The following PCDHGA3 variants were observed in gnomAD, a reference collection of about 807,000 sequenced individuals.
PCDHGA3 encodes protocadherin gamma subfamily A, 3.
Under a neutral mutation model 58.5 loss-of-function variants are expected in PCDHGA3, and 40 were observed. That is an observed-to-expected ratio of 0.68 (90% CI 0.53 to 0.89). PCDHGA3 has a LOEUF of 0.89. PCDHGA3 is among the 40% of genes least tolerant of loss of function. The pLI, the probability that PCDHGA3 is intolerant of heterozygous loss-of-function variation, is 0.00. For synonymous variants in PCDHGA3, 530 were observed against 525.7 expected (o/e 1.01, Z -0.11); for missense variants, 1,223 against 1,195.9 (o/e 1.02, Z -0.33).
intron 1 of PCDHGA3, chr5:141,371,607 G>T (rs2149987986): frequency 6.2e-6 from 10 of 1,614,022 alleles, no homozygotes; most frequent in Admixed American, 1.7e-5. Context: ...ATACAGGTTG[G>T]TGACAGATGG....
intron 1 of PCDHGA3, chr5:141,397,859 C>T: frequency 1.8e-6 from 1 of 559,674 alleles, no homozygotes. Context: ...CTGTAGTTTC[C>T]TAGTGCTGAC....
chr5:141,423,594 C>A, intron 1 of PCDHGA3: 1 of 1,599,308 alleles, frequency 6.3e-7, no homozygotes, highest in South Asian at 1.1e-5. Context: ...GTGAGAAAAG[C>A]GAGCCACTCT....
At chr5:141,402,456 C>T (rs1052745008) in intron 1 of PCDHGA3, among the ~76,000 whole-genome samples, 1 of 152,050 alleles carries the variant, frequency 6.6e-6, no homozygotes, top group African/African-American at 2.4e-5. Flanking sequence ...TAATAGTTTA[C>T]ATATCTAGAA....
chr5:141,405,760 G>T (rs1048838050), intron 1 of PCDHGA3, among the ~76,000 whole-genome samples: 2 of 152,148 alleles, frequency 1.3e-5, no homozygotes, highest in East Asian at 3.9e-4. Context: ...TTACAGGCGT[G>T]AGCCACTGCG....
At chr5:141,368,798 C>T (rs1477388914) in intron 1 of PCDHGA3, among the ~76,000 whole-genome samples, 3 of 152,096 alleles carry the variant, frequency 2.0e-5, no homozygotes, top group Non-Finnish European at 4.4e-5. Flanking sequence ...ATTTTTCATA[C>T]TAATTGAAGT....
In PCDHGA3 at chr5:141,476,499, TC is replaced by T; in HGVS notation, c.2425-18307del. 1 of 1,614,110 alleles carries T rather than the reference TC, an allele frequency of 6.2e-7. No individual in the cohort carries two copies. Among genetic ancestry groups the T allele is most frequent in the Non-Finnish European group, 8.5e-7 (1 of 1,180,020 alleles). ...AGCGTGGAAGTGGTGATCCAGGACATCAACGACAACAATCCTGCTTTCCCTA... is the reference window on the plus strand; with the variant it reads ...AGCGTGGAAGTGGTGATCCAGGACATAACGACAACAATCCTGCTTTCCCTA... On this transcript the variant is annotated intron_variant, in intron 1 of 3. Transcript: ENST00000253812. The surrounding 1 kb of genome is among the most constrained non-coding windows in gnomAD (Gnocchi z 7.6).
At chr5:141,359,864 AAAG>A (rs1223806180) in intron 1 of PCDHGA3, among the ~76,000 whole-genome samples, 1 of 152,206 alleles carries the variant, frequency 6.6e-6, no homozygotes, top group African/African-American at 2.4e-5. Flanking sequence ...TTAAAAAAGA[AAAG>A]AAAAGAAAAA....
At chr5:141,415,739 GGTTTTTTTT>G in intron 1 of PCDHGA3, 5 of 434,942 alleles carry the variant, frequency 1.1e-5, no homozygotes, top group African/African-American at 9.8e-5. Context: ...TGTTTATTAA[GGTTTTTTTT>G]TTTTTTTTTT....
intron 1 of PCDHGA3, chr5:141,383,409 C>A (rs199780721): frequency 4.3e-6 from 7 of 1,613,892 alleles, no homozygotes; most frequent in Non-Finnish European, 5.9e-6. Flanking sequence ...TCCAGAGTTA[C>A]CAGCTCAGCC....
At chr5:141,362,052 C>T (rs1344893342) in intron 1 of PCDHGA3, 1 of 1,611,434 alleles carries the variant, frequency 6.2e-7, no homozygotes, top group African/African-American at 1.3e-5. Context: ...ACGCGGCCCG[C>T]CAGCGCCTGC....
At chr5:141,400,400 C>A (rs375490385) in intron 1 of PCDHGA3, 2 of 1,614,000 alleles carry the variant, frequency 1.2e-6, no homozygotes, top group Admixed American at 3.3e-5. Flanking sequence ...ACAGGAAAGA[C>A]GGAGTTTAAT....
At chr5:141,363,384 T>C (rs2149845337) in intron 1 of PCDHGA3, among the ~76,000 whole-genome samples, 1 of 152,366 alleles carries the variant, frequency 6.6e-6, no homozygotes, top group African/African-American at 2.4e-5. Flanking sequence ...TTTTTCTATT[T>C]CTGTTGTCAT....
chr5:141,421,791 T>TG, intron 1 of PCDHGA3: 1 of 1,613,792 alleles, frequency 6.2e-7, no homozygotes, highest in Non-Finnish European at 8.5e-7. Flanking sequence ...GCAGAACGGA[T>TG]GGGGCCAAGA....
At chr5:141,422,872 C>T (rs773469060) in intron 1 of PCDHGA3, 19 of 1,614,134 alleles carry the variant, frequency 1.2e-5, no homozygotes, top group African/African-American at 2.7e-5. Flanking sequence ...CAACGTGTCG[C>T]TGAGCCTGTT....
chr5:141,469,499 C>T lies in PCDHGA3; in HGVS notation c.2425-25308C>T, dbSNP rs1023274165. Among the ~76,000 whole-genome samples, 22 of 152,128 alleles carry T rather than the reference C, an allele frequency of 1.4e-4. 1 individual carries two copies. The highest frequency in any genetic ancestry group is 3.9e-4 in the African/African-American group (16 of 41,510). On this transcript the variant is annotated intron_variant, in intron 1 of 3. Coordinates refer to ENST00000253812, the MANE Select transcript of PCDHGA3 (RefSeq NM_018916.4). ...CTGAGGCAGGAGAATCGCTTGAACC[C>T]GGGAGGTGGAGGTTGCAGTGAGCCA...
rs561122870 is a variant in PCDHGA3 at position 141,439,444 on chromosome 5, C to T, written c.2425-55363C>T. On this transcript the variant is annotated intron_variant, in intron 1 of 3. Transcript: ENST00000253812. ...ATAAATTCCCAGGAATATTTTATTG[C>T]GGGAGCAAGACTGCACTGCTGCCTT... Among the ~76,000 whole-genome samples the T allele has an allele frequency of 3.0e-4, 46 of 152,264 alleles. 1 individual carries two copies. The South Asian group carries it at 6.2e-3, about 21-fold the overall frequency.
intron 1 of PCDHGA3, chr5:141,364,603 C>G: frequency 6.2e-7 from 1 of 1,614,180 alleles, no homozygotes; most frequent in Non-Finnish European, 8.5e-7. Flanking sequence ...GCAGGATAGA[C>G]CGGGAGGAGC....
At position 141,345,350 on chromosome 5, in the gene PCDHGA3, C is replaced by G. The variant is rs201216963; in HGVS notation, c.1317C>G (p.Thr439=). 2.5e-6 allele frequency: 4 copies of G among 1,613,950 alleles called. No individual in the cohort carries two copies. The African/African-American group carries it at 4.0e-5, about 16-fold the overall frequency. The change falls in exon 1 of 4, where the codon ACC becomes ACG. Residue 439 remains threonine (T), a synonymous_variant. Transcript: ENST00000253812. ...CACTGTCCACAGAAACTCACATCAC[C>G]CTGCATGTGATTGACATCAATGACA... ...SPPLSTETHI[T]LHVIDINDNP...
Position 141,483,506 on chromosome 5 carries a change from T to A in PCDHGA3, c.2425-11301T>A, listed in dbSNP as rs964063329. ...AGGGACAGGGATGAGTCAAGGCTGA[T>A]CCCCCTAGATCCTGACTAAGGAAGC... On this transcript the variant is annotated intron_variant, in intron 1 of 3. Coordinates refer to ENST00000253812, the MANE Select transcript of PCDHGA3 (RefSeq NM_018916.4). Among the ~76,000 whole-genome samples the A allele has an allele frequency of 2.7e-5, 4 of 148,396 alleles. No individual in the cohort carries two copies. In the South Asian group the frequency reaches 8.5e-4, roughly 32 times the overall value.
Sources: gnomAD v4.1 joint callset for allele counts (sites outside exome capture counted in the v4.1 genomes callset) on GRCh38, gnomAD v4.1.1 for gene constraint, Gnocchi (gnomAD v3.1) non-coding constraint, MANE v1.5 for transcripts, NCBI Gene and HGNC (gene_info 2026-07-23, HGNC 2026-07-21) for gene names.